TMEM117: variants seen among roughly 807,000 people sequenced by gnomAD.
TMEM117 encodes the protein transmembrane protein 117.
In TMEM117, 27 loss-of-function variants were observed where a neutral mutation model predicts 52.4. That is an observed-to-expected ratio of 0.51 (90% CI 0.38 to 0.71). The LOEUF (loss-of-function observed/expected upper bound fraction) is 0.71. Among genes scored for constraint, TMEM117 ranks in the 30% least tolerant of loss-of-function variants. TMEM117 has a pLI of 0.00. For missense variants in TMEM117, 556 were observed against 630.5 expected, an observed-to-expected ratio of 0.88 and a Z score of 1.26; for synonymous variants, 215 against 206.3, an observed-to-expected ratio of 1.04 and a Z score of -0.36.
chr12:43,886,177 A>G (rs956352384), intron 2 of TMEM117, among the ~76,000 whole-genome samples: 2 of 152,188 alleles, frequency 1.3e-5, no homozygotes, highest in African/African-American at 4.8e-5. Context: ...TCCTGGAGAC[A>G]AGATTACAAG....
At chr12:44,159,487 G>C (rs1471028291) in intron 4 of TMEM117, among the ~76,000 whole-genome samples, 1 of 152,044 alleles carries the variant, frequency 6.6e-6, no homozygotes, top group Non-Finnish European at 1.5e-5. Flanking sequence ...AACAATTGCA[G>C]AGCTGTGCTT....
intron 3 of TMEM117, among the ~76,000 whole-genome samples, chr12:43,946,325 T>C (rs1323763056): frequency 6.6e-6 from 1 of 151,194 alleles, no homozygotes; most frequent in Non-Finnish European, 1.5e-5. Flanking sequence ...TAATACATGA[T>C]ATAATATATA....
the TMEM117 span, chr12:43,805,925 G>A: frequency 6.6e-7 from 1 of 1,516,730 alleles, no homozygotes; most frequent in African/African-American, 1.4e-5. Flanking sequence ...GACTGTCGGG[G>A]ACGGTGGAAG....
intron 4 of TMEM117, among the ~76,000 whole-genome samples, chr12:44,166,440 T>TG (rs1948968396): frequency 6.6e-6 from 1 of 152,170 alleles, no homozygotes; most frequent in Non-Finnish European, 1.5e-5. Context: ...GTGAAAGAAA[T>TG]GAAGTTTCAC....
At chr12:43,869,874 C>T (rs1036633890) in intron 2 of TMEM117, among the ~76,000 whole-genome samples, 1 of 152,106 alleles carries the variant, frequency 6.6e-6, no homozygotes, top group Non-Finnish European at 1.5e-5. Context: ...GGTATTAAGC[C>T]CAGCATCCAT....
At chr12:44,372,896 G>A (rs918858144) in intron 6 of TMEM117, among the ~76,000 whole-genome samples, 5 of 152,296 alleles carry the variant, frequency 3.3e-5, no homozygotes, top group South Asian at 4.1e-4. Context: ...GCAGGTGGAC[G>A]TGTTAATTAG....
chr12:44,116,380 C>G (rs1405618016), intron 3 of TMEM117, among the ~76,000 whole-genome samples: 3 of 152,086 alleles, frequency 2.0e-5, no homozygotes, highest in Non-Finnish European at 4.4e-5. Flanking sequence ...TGGAATTTCA[C>G]CTACTATTAA....
chr12:44,204,463 G>A (rs1177731462), intron 4 of TMEM117, among the ~76,000 whole-genome samples: 2 of 152,048 alleles, frequency 1.3e-5, no homozygotes, highest in Non-Finnish European at 2.9e-5. Flanking sequence ...TGAATAGGAA[G>A]AATCAATATT....
At chr12:44,242,659 ATATC>A (rs976179184) in intron 5 of TMEM117, among the ~76,000 whole-genome samples, 1 of 147,302 alleles carries the variant, frequency 6.8e-6, no homozygotes, top group Non-Finnish European at 1.5e-5. Flanking sequence ...ATATTATATT[ATATC>A]TATATGTATA....
chr12:43,844,496 A>G, intron 1 of TMEM117, 128 bp from the exon 2 acceptor site: 2 of 811,944 alleles, frequency 2.5e-6, no homozygotes, highest in Non-Finnish European at 1.9e-6. Context: ...TCTTGGAGCC[A>G]TGAGTAGGAA....
chr12:44,152,703 T>G (rs975722527), intron 4 of TMEM117, among the ~76,000 whole-genome samples: 14 of 135,492 alleles, frequency 1.0e-4, no homozygotes, highest in Non-Finnish European at 1.7e-4. Context: ...ATATAAATTT[T>G]TATATATACT....
chr12:44,247,890 T>A (rs1003251264), intron 5 of TMEM117, among the ~76,000 whole-genome samples: 3 of 152,130 alleles, frequency 2.0e-5, no homozygotes, highest in African/African-American at 7.2e-5. Context: ...GAATGCTCTC[T>A]CTCCCACCGC....
chr12:44,163,806 G>A (rs968941860), intron 4 of TMEM117, among the ~76,000 whole-genome samples: 5 of 152,140 alleles, frequency 3.3e-5, no homozygotes, highest in African/African-American at 1.2e-4. Context: ...GTATCACCCT[G>A]GTTACTTTTT....
the TMEM117 span, among the ~76,000 whole-genome samples, chr12:43,824,913 G>A: frequency 2.0e-5 from 3 of 152,164 alleles, no homozygotes; most frequent in African/African-American, 2.4e-5. Flanking sequence ...CAGCCTGGGC[G>A]ACAGAGCGAG....
intron 3 of TMEM117, among the ~76,000 whole-genome samples, chr12:44,045,737 G>A (rs1946872038): frequency 6.6e-6 from 1 of 152,130 alleles, no homozygotes; most frequent in South Asian, 2.1e-4. Flanking sequence ...CAGCCACTAG[G>A]GAGGCTGAGG....
At chr12:44,257,056 T>C (rs1339221405) in intron 5 of TMEM117, among the ~76,000 whole-genome samples, 2 of 148,848 alleles carry the variant, frequency 1.3e-5, no homozygotes, top group African/African-American at 5.0e-5. Flanking sequence ...TTATGAAATA[T>C]CTATTGCATA....
the TMEM117 span, among the ~76,000 whole-genome samples, chr12:43,828,802 A>G: frequency 1.3e-5 from 2 of 152,080 alleles, no homozygotes; most frequent in Non-Finnish European, 2.9e-5. Context: ...GCTCTTGTGA[A>G]TGGACCACAA....
At chr12:44,111,654 G>T (rs1197220465) in intron 3 of TMEM117, among the ~76,000 whole-genome samples, 6 of 131,622 alleles carry the variant, frequency 4.6e-5, no homozygotes, top group Non-Finnish European at 7.8e-5. Flanking sequence ...GAATAGGTGT[G>T]GTGTGGTGCT....
At chr12:43,808,832 AAAAG>A in the TMEM117 span, among the ~76,000 whole-genome samples, 29 of 151,466 alleles carry the variant, frequency 1.9e-4, no homozygotes, top group African/African-American at 4.6e-4. Flanking sequence ...AAAAAAAAAA[AAAAG>A]GAGCTACTAC....
Sources: allele counts gnomAD v4.1 joint callset (sites outside exome capture counted in the v4.1 genomes callset), GRCh38; gene constraint gnomAD v4.1.1; transcripts MANE v1.5; gene names NCBI Gene and HGNC (gene_info 2026-07-23, HGNC 2026-07-21).